Variants in BEND7 observed in about 807,000 individuals in gnomAD.
BEND7 encodes BEN domain containing 7, also known as BEN domain-containing protein 7.
In BEND7, 28 loss-of-function variants were observed where a neutral mutation model predicts 50.9. That is an observed-to-expected ratio of 0.55 (90% confidence interval 0.41 to 0.75). The LOEUF (loss-of-function observed/expected upper bound fraction) is 0.75. Among genes scored for constraint, BEND7 ranks in the 30% least tolerant of loss-of-function variants. The pLI, the probability that BEND7 is intolerant of heterozygous loss-of-function variation, is 0.00. For synonymous variants in BEND7, 170 were observed against 183.9 expected, an observed-to-expected ratio of 0.92 and a Z score of 0.61; for missense variants, 477 against 491.3, an observed-to-expected ratio of 0.97 and a Z score of 0.28.
At chr10:13,455,036 G>A (rs1314620641) in intron 6 of BEND7, among the ~76,000 whole-genome samples, 1 of 152,162 alleles carries the variant, frequency 6.6e-6, no homozygotes, top group African/African-American at 2.4e-5. Flanking sequence ...GCCGGGCATG[G>A]TGGCACGCGC....
intron 2 of BEND7, among the ~76,000 whole-genome samples, chr10:13,502,336 AAC>A (rs540386926): frequency 4.1e-4 from 63 of 152,348 alleles, no homozygotes; most frequent in African/African-American, 1.2e-3. Flanking sequence ...ACACGGAAAT[AAC>A]ACAGATTTCC....
At chr10:13,455,594 T>C (rs1838768417) in intron 6 of BEND7, among the ~76,000 whole-genome samples, 1 of 151,644 alleles carries the variant, frequency 6.6e-6, no homozygotes, top group Non-Finnish European at 1.5e-5. Context: ...GGAGCAGTGG[T>C]GTGGCAGGAG....
chr10:13,478,396 T>A (rs1048951594), intron 6 of BEND7, among the ~76,000 whole-genome samples: 5 of 152,190 alleles, frequency 3.3e-5, no homozygotes, highest in African/African-American at 1.2e-4. Context: ...TTTCTTAAGG[T>A]AGCATCTCCT....
At chr10:13,498,062 T>C (rs953934122) in intron 3 of BEND7, among the ~76,000 whole-genome samples, 1 of 141,168 alleles carries the variant, frequency 7.1e-6, no homozygotes, top group African/African-American at 2.7e-5. Context: ...ATGTAATATA[T>C]TTCTTTTTCT....
intron 2 of BEND7, among the ~76,000 whole-genome samples, chr10:13,519,887 C>T (rs1396365752): frequency 2.6e-5 from 4 of 152,086 alleles, no homozygotes; most frequent in Admixed American, 6.5e-5. Flanking sequence ...GAGAAGGAGC[C>T]GCAGTGAAAT....
At chr10:13,499,725 A>AAAACC (rs1554781060) in intron 3 of BEND7, 53 bp downstream of exon 3, 1 of 1,358,976 alleles carries the variant, frequency 7.4e-7, no homozygotes, top group Non-Finnish European at 9.5e-7. Context: ...ATTTAGAAAT[A>AAAACC]GAACAGTACA....
At chr10:13,457,305 G>A (rs1461973085) in intron 6 of BEND7, among the ~76,000 whole-genome samples, 9 of 152,232 alleles carry the variant, frequency 5.9e-5, no homozygotes, top group Non-Finnish European at 1.2e-4. Context: ...CATGTCATGA[G>A]GGGGTTCAGA....
intron 5 of BEND7, 42 bp downstream of exon 5, chr10:13,492,569 T>TACA: frequency 6.2e-7 from 1 of 1,606,098 alleles, no homozygotes; most frequent in South Asian, 1.1e-5. Context: ...TTCCCAAAAG[T>TACA]TACATAGCAT....
At position 13,478,442 on chromosome 10, in the gene BEND7, T is replaced by C. The variant is rs115229382; in HGVS notation, c.1063+2457A>G. On this transcript the variant is annotated intron_variant, in intron 6 of 8. Coordinates refer to ENST00000466271, the MANE Select transcript of BEND7 (RefSeq NM_001369863.1). Reference sequence around the variant, plus strand: ...AAGAGCAACAGGTAATAAAAACATATTTAAGACAAAGTGTGTCCTTAAGCA... The same window carrying C: ...AAGAGCAACAGGTAATAAAAACATACTTAAGACAAAGTGTGTCCTTAAGCA... Among the ~76,000 whole-genome samples, 407 of 152,306 alleles carry C rather than the reference T, an allele frequency of 2.7e-3. 2 individuals are homozygous for C. The highest frequency in any genetic ancestry group is 9.4e-3 in the African/African-American group (389 of 41,560).
intron 6 of BEND7, among the ~76,000 whole-genome samples, chr10:13,478,717 ATG>A (rs1211101428): frequency 1.3e-5 from 2 of 152,230 alleles, no homozygotes; most frequent in African/African-American, 4.8e-5. Context: ...ATCAAAATAT[ATG>A]TCTATGAATA....
chr10:13,497,448 G>A (rs1198539995), intron 3 of BEND7, among the ~76,000 whole-genome samples: 1 of 152,188 alleles, frequency 6.6e-6, no homozygotes, highest in East Asian at 1.9e-4. Context: ...AAGCACAGAG[G>A]AGCAGGGATG....
chr10:13,528,447 CCCCCGCCG>C lies in BEND7; in HGVS notation c.61+18_61+25del. The stretch of plus-strand genomic sequence containing the variant: ...CCGAGGGCGCGGCGCCCGCTGCCTG[CCCCCGCCG>C]CCCCGGCGGCCGCTTACCTCGGCTC... On this transcript the variant is annotated intron_variant, in intron 1 of 8. Transcript: ENST00000466271. 1.0e-6 allele frequency: 1 copy of C among 1,002,316 alleles called. No homozygotes were observed. Among genetic ancestry groups the C allele is most frequent in the East Asian group, 1.1e-4 (1 of 9,444 alleles). The allele number at this position is 1,002,316 out of a possible 1,614,324, so 62.1% of individuals were successfully genotyped here.
chr10:13,484,405 G>T (rs1194025223), intron 5 of BEND7, among the ~76,000 whole-genome samples: 1 of 152,296 alleles, frequency 6.6e-6, no homozygotes, highest in East Asian at 1.9e-4. Context: ...AATCACAGTG[G>T]ATTACTATCA....
At chr10:13,447,427 C>A in intron 7 of BEND7, 111 bp from the exon 8 acceptor site, 2 of 1,028,984 alleles carry the variant, frequency 1.9e-6, no homozygotes, top group Non-Finnish European at 2.9e-6. Flanking sequence ...ACTGTTTTCA[C>A]CATTCTTTTC....
At chr10:13,520,032 G>C (rs1257839901) in intron 2 of BEND7, among the ~76,000 whole-genome samples, 1 of 152,210 alleles carries the variant, frequency 6.6e-6, no homozygotes, top group African/African-American at 2.4e-5. Flanking sequence ...AACTGAAAGA[G>C]AGAGGAGAGC....
intron 2 of BEND7, among the ~76,000 whole-genome samples, chr10:13,524,980 A>G (rs1010330878): frequency 2.0e-5 from 3 of 152,166 alleles, no homozygotes; most frequent in Non-Finnish European, 2.9e-5. Flanking sequence ...GCAAAACCAG[A>G]GAGATCCTGG....
At chr10:13,508,745 T>G (rs1256797013) in intron 2 of BEND7, among the ~76,000 whole-genome samples, 1 of 152,162 alleles carries the variant, frequency 6.6e-6, no homozygotes, top group African/African-American at 2.4e-5. Context: ...ACTACTAAAT[T>G]ATGAGACACA....
chr10:13,444,039 C>T (rs535561058), intron 8 of BEND7: 1 of 152,202 alleles, frequency 6.6e-6, no homozygotes, highest in East Asian at 1.9e-4. Context: ...TTTTAGAAAG[C>T]ACTGTTTTGA....
At chr10:13,503,033 G>A in intron 2 of BEND7, 1 of 640,700 alleles carries the variant, frequency 1.6e-6, no homozygotes, top group Non-Finnish European at 1.9e-6. Flanking sequence ...GGAACCTTCT[G>A]AGGGCAAATC....
Sources: gnomAD v4.1 joint callset for allele counts (sites outside exome capture counted in the v4.1 genomes callset) on GRCh38, gnomAD v4.1.1 for gene constraint, MANE v1.5 for transcripts, NCBI Gene and HGNC (gene_info 2026-07-23, HGNC 2026-07-21) for gene names.